Variants in DIAPH3 observed in about 807,000 individuals in gnomAD.
The protein encoded by DIAPH3 is diaphanous related formin 3.
DIAPH3 carries 117 observed loss-of-function variants against 144.3 expected under a neutral mutation model. The observed-to-expected ratio is 0.81, with a 90% CI of 0.70 to 0.95. DIAPH3 has a LOEUF of 0.95. Ranked by LOEUF, DIAPH3 falls within the 40% of genes least tolerant of loss-of-function variation. The pLI, the probability that DIAPH3 is intolerant of heterozygous loss-of-function variation, is 0.00. For missense variants in DIAPH3, 1,421 were observed against 1,412.7 expected (o/e 1.01, Z -0.09); for synonymous variants, 519 against 488.9 (o/e 1.06, Z -0.81).
intron 5 of DIAPH3, among the ~76,000 whole-genome samples, chr13:60,024,898 GC>G (rs1234853565): frequency 6.6e-6 from 1 of 152,080 alleles, no homozygotes; most frequent in Admixed American, 6.6e-5. Context: ...GCCTCATTAT[GC>G]TCACCATGTA....
intron 21 of DIAPH3, among the ~76,000 whole-genome samples, chr13:59,875,534 A>C (rs2044565763): frequency 6.6e-6 from 1 of 152,102 alleles, no homozygotes; most frequent in Non-Finnish European, 1.5e-5. Flanking sequence ...GTTCTAAAAA[A>C]AAAATCCTGA....
At position 59,772,918 on chromosome 13, in the gene DIAPH3, C is replaced by T. The variant is rs894757656; in HGVS notation, c.3319+1271G>A. On this transcript the variant is annotated intron_variant, in intron 27 of 27. Transcript: ENST00000400324. ...ATTCTTGTCACAGCTGTGTCACTAA[C>T]CAGCTCTGTACTCTGGAAGTTTTCA... 5.9e-5 allele frequency among the ~76,000 whole-genome samples: 9 copies of T among 152,060 alleles called. No homozygotes were observed. In the South Asian group the frequency reaches 8.3e-4, roughly 14 times the overall value.
At chr13:59,980,693 A>G in intron 14 of DIAPH3, 102 bp downstream of exon 14, 1 of 1,057,444 alleles carries the variant, frequency 9.5e-7, no homozygotes, top group Non-Finnish European at 1.5e-6. Flanking sequence ...CACCTGAAGC[A>G]GATAAAGAAG....
At chr13:59,742,713 G>T (rs2036524720) in intron 27 of DIAPH3, among the ~76,000 whole-genome samples, 1 of 133,436 alleles carries the variant, frequency 7.5e-6, no homozygotes, top group African/African-American at 3.0e-5. Flanking sequence ...AGAAAGAAAA[G>T]AAAAGAAAGA....
At chr13:60,158,007 T>C (rs751779060) in intron 1 of DIAPH3, among the ~76,000 whole-genome samples, 2 of 152,324 alleles carry the variant, frequency 1.3e-5, no homozygotes, top group Non-Finnish European at 2.9e-5. Context: ...TCTGGTTTTT[T>C]ATGCCAGTAC....
chr13:59,758,910 G>T (rs915108807), intron 27 of DIAPH3, among the ~76,000 whole-genome samples: 1 of 151,246 alleles, frequency 6.6e-6, no homozygotes, highest in African/African-American at 2.4e-5. Context: ...CTCCTGAGTA[G>T]GTGGGACCAT....
chr13:59,784,849 G>GCA (rs1172667999), intron 25 of DIAPH3, among the ~76,000 whole-genome samples: 3 of 150,776 alleles, frequency 2.0e-5, no homozygotes, highest in Non-Finnish European at 4.4e-5. Flanking sequence ...CCACACACGC[G>GCA]CGCACACACA....
intron 3 of DIAPH3, among the ~76,000 whole-genome samples, chr13:60,096,710 G>A (rs2058115118): frequency 6.6e-6 from 1 of 152,190 alleles, no homozygotes; most frequent in Non-Finnish European, 1.5e-5. Flanking sequence ...CTGGAGCTGA[G>A]ACAAACTTCT....
chr13:59,971,525 T>C (rs1434603007), intron 15 of DIAPH3, among the ~76,000 whole-genome samples: 1 of 152,124 alleles, frequency 6.6e-6, no homozygotes, highest in Non-Finnish European at 1.5e-5. Context: ...ACTCATAGTA[T>C]GGAGAGAATA....
chr13:59,833,434 C>T (rs939095402), intron 23 of DIAPH3, among the ~76,000 whole-genome samples, 163 bp from the exon 24 acceptor site: 3 of 151,660 alleles, frequency 2.0e-5, no homozygotes, highest in African/African-American at 7.3e-5. Context: ...GTCTATACTA[C>T]ATAGCAACAA....
At chr13:60,128,745 G>T (rs2059057529) in intron 2 of DIAPH3, among the ~76,000 whole-genome samples, 1 of 151,122 alleles carries the variant, frequency 6.6e-6, no homozygotes, top group African/African-American at 2.4e-5. Context: ...ACCATTTGTG[G>T]GTCATGAAAT....
At chr13:60,054,548 C>T (rs1223725530) in intron 4 of DIAPH3, among the ~76,000 whole-genome samples, 1 of 151,836 alleles carries the variant, frequency 6.6e-6, no homozygotes, top group Non-Finnish European at 1.5e-5. Context: ...TTTGCAATTG[C>T]TGAATTCCCA....
In DIAPH3 at chr13:60,096,825, C is replaced by T. The variant is rs2058117542; in HGVS notation, c.391-3093G>A. ...TCTCAGGCCTTAAAGCCACCTCAGC[C>T]TCCAACTGAGTTTCACCAACAACTT... On this transcript the variant is annotated intron_variant, in intron 3 of 27. Coordinates refer to ENST00000400324, the MANE Select transcript of DIAPH3 (RefSeq NM_001042517.2). Among the ~76,000 whole-genome samples, 3 of 152,218 alleles carry T rather than the reference C, an allele frequency of 2.0e-5. No homozygotes were observed. In the South Asian group the frequency reaches 6.2e-4, roughly 32 times the overall value.
chr13:59,931,958 T>C (rs2048041935), intron 17 of DIAPH3, among the ~76,000 whole-genome samples: 1 of 152,172 alleles, frequency 6.6e-6, no homozygotes, highest in Non-Finnish European at 1.5e-5. Flanking sequence ...CTCCACTAAC[T>C]GTCACAGGTT....
chr13:59,859,625 C>T lies in DIAPH3; in HGVS notation c.2737+1782G>A, dbSNP rs558290396. On this transcript the variant is annotated intron_variant, in intron 22 of 27. Transcript: ENST00000400324. ...CCTACCATGTTTTCATCCACTACTCCGTTATCTATCAAACTGATTAATGTC... is the reference window on the plus strand; with the variant it reads ...CCTACCATGTTTTCATCCACTACTCTGTTATCTATCAAACTGATTAATGTC... 2.6e-5 allele frequency among the ~76,000 whole-genome samples: 4 copies of T among 152,238 alleles called. No individual in the cohort carries two copies. The South Asian group carries it at 6.2e-4, about 24-fold the overall frequency.
intron 7 of DIAPH3, among the ~76,000 whole-genome samples, chr13:60,011,423 A>C (rs554564473): frequency 6.6e-6 from 1 of 152,358 alleles, no homozygotes; most frequent in Admixed American, 6.5e-5. Context: ...GAGAAATATA[A>C]TGTAAACCAC....
chr13:59,945,759 T>C lies in DIAPH3; in HGVS notation c.2075-20889A>G, dbSNP rs140863265. 8.0e-3 allele frequency among the ~76,000 whole-genome samples: 1,222 copies of C among 152,294 alleles called. 13 individuals carry two copies. Among genetic ancestry groups the C allele is most frequent in the Middle Eastern group, 0.024 (7 of 294 alleles). On this transcript the variant is annotated intron_variant, in intron 17 of 27. Transcript: ENST00000400324. ...GGAGGCCCTCTTCCACAGAGGAATA[T>C]TGACATGAGAACCAGGGTCAAGAGG...
chr13:59,879,304 C>T lies in DIAPH3; in HGVS notation c.2532G>A (p.Leu844=). 6.2e-7 allele frequency: 1 copy of T among 1,613,854 alleles called. No individual in the cohort carries two copies. Among genetic ancestry groups the T allele is most frequent in the Non-Finnish European group, 8.5e-7 (1 of 1,179,836 alleles). The change falls in exon 21 of 28, where the codon TTG becomes TTA. Residue 844 remains leucine (L), a synonymous_variant. Coordinates refer to ENST00000400324, the MANE Select transcript of DIAPH3 (RefSeq NM_001042517.2). ...KSFSKLLELV[L]LMGNYMNAGS... is the part of the protein sequence containing the mutation. The stretch of plus-strand genomic sequence containing the variant: ...CAGCATTCATGTAGTTTCCCATTAG[C>T]AATACAAGTTCCAGCAACTTGCTAA...
At chr13:60,028,573 A>G (rs2054551512) in intron 5 of DIAPH3, among the ~76,000 whole-genome samples, 1 of 151,946 alleles carries the variant, frequency 6.6e-6, no homozygotes, top group Non-Finnish European at 1.5e-5. Context: ...GTCCTTCAGA[A>G]CTTGTTCTGA....
Sources: gnomAD v4.1 joint callset for allele counts (sites outside exome capture counted in the v4.1 genomes callset) on GRCh38, gnomAD v4.1.1 for gene constraint, MANE v1.5 for transcripts, NCBI Gene and HGNC (gene_info 2026-07-23, HGNC 2026-07-21) for gene names.